SYNJ1: variants seen among roughly 807,000 people sequenced by gnomAD.
SYNJ1 encodes polyphosphatidylinositol phosphatase SYNJ1.
SYNJ1 carries 78 observed loss-of-function variants against 168.2 expected under a neutral mutation model. The observed-to-expected ratio is 0.46, with a 90% CI of 0.39 to 0.56. SYNJ1 has a LOEUF of 0.56. Among genes scored for constraint, SYNJ1 ranks in the 20% least tolerant of loss-of-function variants. The pLI, the probability that SYNJ1 is intolerant of heterozygous loss-of-function variation, is 0.00. For synonymous variants in SYNJ1, 539 were observed against 548.6 expected (o/e 0.98, Z 0.24); for missense variants, 1,303 against 1,597.6 (o/e 0.82, Z 3.14).
chr21:32,711,479 C>A (rs1377014673), intron 2 of SYNJ1, among the ~76,000 whole-genome samples: 1 of 152,008 alleles, frequency 6.6e-6, no homozygotes, highest in Admixed American at 6.6e-5. Flanking sequence ...ACTACAGGCG[C>A]GCGCCACCAT....
At chr21:32,642,823 C>T (rs1408218578) in intron 27 of SYNJ1, among the ~76,000 whole-genome samples, 3 of 152,154 alleles carry the variant, frequency 2.0e-5, no homozygotes. Context: ...AGGGCAGCAT[C>T]TTAAATAAAC....
intron 18 of SYNJ1, among the ~76,000 whole-genome samples, chr21:32,664,035 C>A (rs2040821771): frequency 6.6e-6 from 1 of 152,110 alleles, no homozygotes; most frequent in African/African-American, 2.4e-5. Context: ...GATCCGGGGG[C>A]CATGTTTGAA....
At chr21:32,632,334 C>T (rs543667386) in intron 32 of SYNJ1, among the ~76,000 whole-genome samples, 101 of 151,388 alleles carry the variant, frequency 6.7e-4, no homozygotes, top group African/African-American at 2.4e-3. Flanking sequence ...AAGACTCCAT[C>T]TTTCTGTCTT....
At chr21:32,655,090 C>T (rs2048688160) in intron 21 of SYNJ1, among the ~76,000 whole-genome samples, 1 of 152,206 alleles carries the variant, frequency 6.6e-6, no homozygotes, top group African/African-American at 2.4e-5. Flanking sequence ...CTAATGATGA[C>T]AAACATTTGT....
intron 18 of SYNJ1, among the ~76,000 whole-genome samples, chr21:32,661,286 A>G (rs1383460652): frequency 6.6e-6 from 1 of 152,200 alleles, no homozygotes; most frequent in African/African-American, 2.4e-5. Flanking sequence ...ACTTGCTGAC[A>G]GCGCAATGTG....
chr21:32,639,802 T>C, intron 29 of SYNJ1, 23 bp from the exon 30 acceptor site: 3 of 1,588,634 alleles, frequency 1.9e-6, no homozygotes, highest in Non-Finnish European at 1.7e-6. Context: ...AACATAACAC[T>C]TGAGACATTT....
rs778501870 is a variant in SYNJ1, at chr21:32,639,728, C to T, written c.3640G>A (p.Ala1214Thr). The change falls in exon 30 of 33, where the codon GCA becomes ACA. Residue 1214 changes from alanine to threonine, a missense_variant. Physicochemically the swap from Ala to Thr is moderately conservative, Grantham distance 58 (BLOSUM62 0). Coordinates refer to ENST00000674351, the MANE Select transcript of SYNJ1 (RefSeq NM_203446.3). Reference sequence around the variant, plus strand: ...TCAGGAGTCAGTCTTCCAGCAGATGCCCGCGCGTGGCTCTGTGGGGCACTG... The same window carrying T: ...TCAGGAGTCAGTCTTCCAGCAGATGTCCGCGCGTGGCTCTGTGGGGCACTG... The part of the protein sequence containing the change: ...VISAPQSHAR[A>T]SAGRLTPESQ... 6.2e-7 allele frequency: 1 copy of T among 1,614,154 alleles called. No homozygotes were observed. Among genetic ancestry groups the T allele is most frequent in the Admixed American group, 1.7e-5 (1 of 60,012 alleles).
rs2042972000 is a variant in SYNJ1, at chr21:32,715,040, C to G, written c.124+11732G>C. Among the ~76,000 whole-genome samples the G allele has an allele frequency of 2.0e-5, 3 of 152,252 alleles. No individual in the cohort carries two copies. In the East Asian group the frequency reaches 5.8e-4, roughly 29 times the overall value. On this transcript the variant is annotated intron_variant, in intron 2 of 32. Transcript: ENST00000674351. ...AAAACTGTACTTTCTACTCCATTCTCTAAGAGAATTGATAAAACTGGGAAC... is the reference window on the plus strand; with the variant it reads ...AAAACTGTACTTTCTACTCCATTCTGTAAGAGAATTGATAAAACTGGGAAC...
chr21:32,631,595 T>G lies in SYNJ1; in HGVS notation c.*210A>C. The stretch of plus-strand genomic sequence containing the variant: ...TCCGAGCTGGAATTGGAGGCATTGT[T>G]GGCATGCAACTTACAGAACTCAAAA... On this transcript the variant is annotated 3_prime_UTR_variant, in exon 33 of 33. Transcript: ENST00000674351. The G allele has an allele frequency of 6.2e-7, 1 of 1,608,460 alleles. No individual in the cohort carries two copies. The highest frequency in any genetic ancestry group is 8.5e-7 in the Non-Finnish European group (1 of 1,179,056).
In SYNJ1 at chr21:32,631,644, A is replaced by C; in HGVS notation, c.*161T>G. On this transcript the variant is annotated 3_prime_UTR_variant, in exon 33 of 33. Transcript: ENST00000674351. ...AACATTACTTTGCGTTGCAGAAGGC[A>C]ACTGAATCAACCTCTTTGGGTCTGG... The C allele has an allele frequency of 6.2e-7, 1 of 1,614,222 alleles. No homozygotes were observed. Among genetic ancestry groups the C allele is most frequent in the Non-Finnish European group, 8.5e-7 (1 of 1,180,036 alleles).
At position 32,681,668 on chromosome 21, in the gene SYNJ1, AT is replaced by A; in HGVS notation, c.1201-21del. 2.5e-6 allele frequency: 4 copies of A among 1,599,190 alleles called. No homozygotes were observed. Among genetic ancestry groups the A allele is most frequent in the Non-Finnish European group, 3.4e-6 (4 of 1,174,416 alleles). On this transcript the variant is annotated intron_variant, in intron 10 of 32. Transcript: ENST00000674351. Reference sequence around the variant, plus strand: ...TAGCATCTTAAAAAGCAAACAAGAAATTTTTATAAGTACATTAATATATTAA... The same window carrying A: ...TAGCATCTTAAAAAGCAAACAAGAAATTTTATAAGTACATTAATATATTAA...
At chr21:32,699,000 T>TG (rs1555907130) in intron 4 of SYNJ1, among the ~76,000 whole-genome samples, 2 of 143,244 alleles carry the variant, frequency 1.4e-5, no homozygotes, top group African/African-American at 5.2e-5. Flanking sequence ...CAGTGTAGAC[T>TG]GGGGGGAGCA....
intron 26 of SYNJ1, 141 bp downstream of exon 26, chr21:32,644,827 C>G (rs2039993837): frequency 2.1e-6 from 2 of 936,534 alleles, no homozygotes; most frequent in Non-Finnish European, 3.1e-6. Context: ...AAATGAAAGC[C>G]TTTATTAGTT....
chr21:32,639,997 T>G (rs574857053), intron 29 of SYNJ1, among the ~76,000 whole-genome samples: 5 of 152,360 alleles, frequency 3.3e-5, no homozygotes, highest in Admixed American at 2.0e-4. Context: ...ATTATGTTAA[T>G]TAAGTACTGT....
chr21:32,669,242 TG>T, intron 15 of SYNJ1, among the ~76,000 whole-genome samples: 1 of 152,292 alleles, frequency 6.6e-6, no homozygotes, highest in South Asian at 2.1e-4. Flanking sequence ...TGACAGACGG[TG>T]GTTATTCAGA....
intron 2 of SYNJ1, among the ~76,000 whole-genome samples, chr21:32,713,568 AC>A (rs910376871): frequency 2.1e-5 from 3 of 145,786 alleles, no homozygotes; most frequent in Admixed American, 6.9e-5. Flanking sequence ...CCATATGTCA[AC>A]ATGGATGATT....
intron 14 of SYNJ1, among the ~76,000 whole-genome samples, chr21:32,672,085 GA>G (rs1168614891): frequency 2.7e-5 from 2 of 74,160 alleles, no homozygotes; most frequent in African/African-American, 5.0e-5. Flanking sequence ...AAAAAAAAAA[GA>G]AAAAGAAAAA....
chr21:32,701,921 A>C, intron 3 of SYNJ1, 40 bp downstream of exon 3: 1 of 1,430,178 alleles, frequency 7.0e-7, no homozygotes, highest in South Asian at 1.5e-5. Flanking sequence ...ACAAAATAGA[A>C]ATGAAAAAAT....
At chr21:32,694,639 G>T (rs1348778788) in intron 5 of SYNJ1, among the ~76,000 whole-genome samples, 2 of 151,854 alleles carry the variant, frequency 1.3e-5, no homozygotes, top group African/African-American at 4.8e-5. Context: ...TGTTGGGCTG[G>T]GTTCATGGCC....
Sources: gnomAD v4.1 joint callset for allele counts (sites outside exome capture counted in the v4.1 genomes callset) on GRCh38, gnomAD v4.1.1 for gene constraint, MANE v1.5 for transcripts, NCBI Gene and HGNC (gene_info 2026-07-23, HGNC 2026-07-21) for gene names.